TMEM260: variants seen among roughly 807,000 people sequenced by gnomAD.
TMEM260 encodes the protein transmembrane protein 260.
Under a neutral mutation model 88.9 loss-of-function variants are expected in TMEM260, and 82 were observed. The ratio of observed to expected loss-of-function variants is 0.92; its 90% CI spans 0.77 to 1.11. TMEM260 has a LOEUF of 1.11. Among genes scored for constraint, TMEM260 ranks in the 50% least tolerant of loss-of-function variants. The pLI is 0.00. For missense variants in TMEM260, 902 were observed against 853.4 expected, an observed-to-expected ratio of 1.06 and a Z score of -0.71; for synonymous variants, 314 against 309.3, an observed-to-expected ratio of 1.02 and a Z score of -0.16.
intron 11 of TMEM260, among the ~76,000 whole-genome samples, chr14:56,624,634 A>G (rs934406476): frequency 2.6e-5 from 4 of 152,178 alleles, no homozygotes; most frequent in African/African-American, 9.7e-5. Flanking sequence ...ATACACAGAG[A>G]TGAAAAAATA....
rs1890123537 is a variant in TMEM260, at chr14:56,648,923, G to A, written c.*1426G>A. On this transcript the variant is annotated 3_prime_UTR_variant, in exon 16 of 16. Coordinates refer to ENST00000261556, the MANE Select transcript of TMEM260 (RefSeq NM_017799.4). ...ACAATTCGAGCTGAATTTGCCCCTT[G>A]TCAGCTGCCAGTAAATAAATCTCAA... 6.6e-6 allele frequency: 1 copy of A among 152,620 alleles called. No homozygotes were observed. Among genetic ancestry groups the A allele is most frequent in the Non-Finnish European group, 1.5e-5 (1 of 68,052 alleles). 9.5% of individuals were successfully genotyped at this position (152,620 alleles called of 1,614,324 possible). A position where few individuals can be genotyped will look rare whatever the true frequency, so the allele number is the denominator to read the frequency against.
the TMEM260 span, among the ~76,000 whole-genome samples, chr14:56,659,840 G>C: frequency 0.27 from 41,131 of 152,090 alleles, 9,276 homozygotes; most frequent in African/African-American, 0.61. Context: ...ATTATTCTTA[G>C]AAGATGTGAA....
chr14:56,595,207 T>C (rs551330997), intron 3 of TMEM260, among the ~76,000 whole-genome samples: 60 of 152,334 alleles, frequency 3.9e-4, no homozygotes, highest in African/African-American at 1.4e-3. Flanking sequence ...CCTTCAGATA[T>C]ATTTGTAGTT....
downstream of TMEM260, among the ~76,000 whole-genome samples, chr14:56,653,742 A>AAAAAAACAAACAAACAAAC (rs1555343575): frequency 6.1e-5 from 4 of 65,822 alleles, no homozygotes; most frequent in Middle Eastern, 7.6e-3. Flanking sequence ...TCTCCAAAAC[A>AAAAAAACAAACAAACAAAC]AAAAAAAAAA....
At chr14:56,597,004 A>G (rs1043807975) in intron 3 of TMEM260, among the ~76,000 whole-genome samples, 4 of 152,074 alleles carry the variant, frequency 2.6e-5, no homozygotes, top group Admixed American at 6.5e-5. Flanking sequence ...GATCTATTTC[A>G]TACCTATTTA....
intron 14 of TMEM260, among the ~76,000 whole-genome samples, chr14:56,635,887 A>T (rs945770854): frequency 1.3e-5 from 2 of 152,210 alleles, no homozygotes; most frequent in African/African-American, 4.8e-5. Flanking sequence ...GTATTTTTGA[A>T]TAAGTCAGAA....
At chr14:56,599,374 T>C (rs958857260) in intron 3 of TMEM260, among the ~76,000 whole-genome samples, 1 of 152,182 alleles carries the variant, frequency 6.6e-6, no homozygotes, top group African/African-American at 2.4e-5. Context: ...CACAGCCATG[T>C]GTACTGACGC....
At chr14:56,587,837 G>A (rs1341841970) in intron 3 of TMEM260, among the ~76,000 whole-genome samples, 1 of 152,070 alleles carries the variant, frequency 6.6e-6, no homozygotes, top group Non-Finnish European at 1.5e-5. Flanking sequence ...CCTTCAAAAA[G>A]GAGAAGCCAT....
intron 14 of TMEM260, 87 bp downstream of exon 14, chr14:56,635,039 G>A (rs189414027): frequency 8.0e-6 from 9 of 1,120,688 alleles, no homozygotes; most frequent in African/African-American, 7.7e-5. Flanking sequence ...GAGAGTAGGG[G>A]TGAGTAGTGA....
Position 56,647,289 on chromosome 14 carries a change from G to A in TMEM260, c.1916G>A (p.Trp639Ter). The change falls in exon 16 of 16, where the codon TGG (tryptophan) becomes TAG (stop). Residue 639 changes from tryptophan to a stop codon, truncating the protein, a stop_gained. Transcript: ENST00000261556. LOFTEE classifies it high-confidence loss of function. ...TTACAAAAGGAGCACCCAGTGAATT[G>A]GCACAAGAACTATGCCATCGCCTGT... The part of the protein sequence containing the change: ...VYLQKEHPVN[W>*]HKNYAIACER... The A allele has an allele frequency of 6.2e-7, 1 of 1,614,044 alleles. No individual in the cohort carries two copies. The highest frequency in any genetic ancestry group is 8.5e-7 in the Non-Finnish European group (1 of 1,180,000).
intron 15 of TMEM260, among the ~76,000 whole-genome samples, chr14:56,640,129 A>T (rs1889464708): frequency 6.6e-6 from 1 of 152,226 alleles, no homozygotes; most frequent in Admixed American, 6.5e-5. Context: ...TCCCTGTCTG[A>T]CAGCTTTGAA....
At chr14:56,625,355 T>A in intron 11 of TMEM260, 27 bp from the exon 12 acceptor site, 1 of 1,601,548 alleles carries the variant, frequency 6.2e-7, no homozygotes, top group Non-Finnish European at 8.5e-7. Context: ...ATTAAAAGTC[T>A]GACATTATGT....
At chr14:56,590,419 AGCTAAG>A (rs1885779159) in intron 3 of TMEM260, among the ~76,000 whole-genome samples, 1 of 152,228 alleles carries the variant, frequency 6.6e-6, no homozygotes, top group South Asian at 2.1e-4. Context: ...TTGCTTTAAA[AGCTAAG>A]GCAATATTCT....
intron 7 of TMEM260, chr14:56,613,065 T>C (rs1271545413): frequency 6.6e-6 from 1 of 152,184 alleles, no homozygotes; most frequent in East Asian, 1.9e-4. Flanking sequence ...TATTTTCATG[T>C]ATATTATTTA....
At chr14:56,623,998 T>G (rs1888086803) in intron 11 of TMEM260, among the ~76,000 whole-genome samples, 1 of 152,182 alleles carries the variant, frequency 6.6e-6, no homozygotes, top group Non-Finnish European at 1.5e-5. Flanking sequence ...AGTAAAATGA[T>G]TTTTTCTAAT....
intron 15 of TMEM260, among the ~76,000 whole-genome samples, chr14:56,640,552 A>G (rs1816036467): frequency 6.6e-6 from 1 of 152,196 alleles, no homozygotes; most frequent in Non-Finnish European, 1.5e-5. Flanking sequence ...GGGAAAAAAC[A>G]GCAGAAAAAC....
chr14:56,635,281 G>A (rs1438941467), intron 14 of TMEM260, among the ~76,000 whole-genome samples: 1 of 152,204 alleles, frequency 6.6e-6, no homozygotes, highest in East Asian at 1.9e-4. Context: ...ACTAAAGTGA[G>A]TGTAATCGAT....
intron 5 of TMEM260, among the ~76,000 whole-genome samples, chr14:56,607,912 A>G (rs1385747705): frequency 6.6e-6 from 1 of 152,188 alleles, no homozygotes; most frequent in East Asian, 1.9e-4. Flanking sequence ...TTTATTTCTC[A>G]CACAAAAGGA....
chr14:56,633,245 GA>G, intron 13 of TMEM260, 74 bp downstream of exon 13: 1 of 1,271,106 alleles, frequency 7.9e-7, no homozygotes, highest in Non-Finnish European at 1.1e-6. Flanking sequence ...ACTACATTTT[GA>G]GATGCCTTCT....
Sources: allele counts gnomAD v4.1 joint callset (sites outside exome capture counted in the v4.1 genomes callset), GRCh38; gene constraint gnomAD v4.1.1; transcripts MANE v1.5; gene names NCBI Gene and HGNC (gene_info 2026-07-23, HGNC 2026-07-21).